The following SMPD3 variants were observed in gnomAD, a reference collection of about 807,000 sequenced individuals.
SMPD3 encodes the protein nSMase-2.
A neutral mutation model predicts 55.7 loss-of-function variants in SMPD3; 21 were observed. The ratio of observed to expected loss-of-function variants is 0.38; its 90% CI spans 0.27 to 0.54. The LOEUF (loss-of-function observed/expected upper bound fraction) is 0.54. SMPD3 is among the 20% of genes least tolerant of loss of function. The pLI is 0.80. For synonymous variants in SMPD3, 457 were observed against 404.3 expected (o/e 1.13, Z -1.56); for missense variants, 842 against 899.6 (o/e 0.94, Z 0.82).
chr16:68,363,020 A>G (rs2089360736), intron 7 of SMPD3, among the ~76,000 whole-genome samples: 1 of 152,198 alleles, frequency 6.6e-6, no homozygotes, highest in South Asian at 2.1e-4. Flanking sequence ...TCAAGAATGA[A>G]TTTTGGCTGG....
rs1316070052 is a variant in SMPD3, at chr16:68,371,475, C to G, written c.707G>C (p.Ser236Thr). ...NGPASGDPVD[S>T]SSPEDACIVR... ...GATGCAGGCATCCTCCGGGCTGCTG[C>G]TGTCGACAGGGTCCCCAGAGGCTGG... The change falls in exon 3 of 9, where the codon AGC (serine) becomes ACC (threonine). Residue 236 changes from serine to threonine, a missense_variant. Physicochemically the swap from Ser to Thr is moderately conservative, Grantham distance 58. Around this residue, in one of 2 missense-constraint regions of SMPD3, gnomAD observed 649 missense variants for 643.6 expected, o/e 1.01. Transcript: ENST00000219334. 6.3e-7 allele frequency: 1 copy of G among 1,598,134 alleles called. No individual in the cohort carries two copies. The highest frequency in any genetic ancestry group is 1.1e-5 in the South Asian group (1 of 90,894).
intron 2 of SMPD3, among the ~76,000 whole-genome samples, chr16:68,385,223 C>G (rs2090031975): frequency 6.6e-6 from 1 of 152,184 alleles, no homozygotes; most frequent in Non-Finnish European, 1.5e-5. Context: ...GAGGTGCAGC[C>G]AAGTCACCTG....
chr16:68,387,995 G>T (rs2090075479), intron 1 of SMPD3, among the ~76,000 whole-genome samples: 1 of 152,192 alleles, frequency 6.6e-6, no homozygotes, highest in Admixed American at 6.5e-5. Context: ...TCTGGTCTAG[G>T]CCATCGGTCT....
In SMPD3 at chr16:68,359,100, A is replaced by AG. The variant is rs1377406546; in HGVS notation, c.*2105dup. ...TGACTCCCACGCCTGCTGCCCCGGG[A>AG]GGGGGTGCCTGGGTGGGGAAGCTAT... On this transcript the variant is annotated 3_prime_UTR_variant, in exon 9 of 9. Transcript: ENST00000219334. 1 of 152,230 alleles carries AG rather than the reference A, an allele frequency of 6.6e-6. No individual in the cohort carries two copies. The highest frequency in any genetic ancestry group is 1.9e-4 in the East Asian group (1 of 5,190). The allele number at this position is 152,230 out of a possible 1,614,324, so 9.4% of individuals were successfully genotyped here.
chr16:68,371,194 C>G lies in SMPD3; in HGVS notation c.988G>C (p.Val330Leu). The stretch of plus-strand genomic sequence containing the variant: ...CTCCTGCGTGCAGCCGCCTTCTTCA[C>G]CACCGAGGCCTTGTACAGGAGCTTG... Reference protein sequence around the residue: ...NSKLLYKASVVKKAAARRRRH... With the variant: ...NSKLLYKASVLKKAAARRRRH... The change falls in exon 3 of 9, where the codon GTG becomes CTG. Residue 330 changes from valine (V) to leucine (L), a missense_variant. Transcript: ENST00000219334. The G allele has an allele frequency of 6.2e-7, 1 of 1,612,046 alleles. No homozygotes were observed. Among genetic ancestry groups the G allele is most frequent in the Non-Finnish European group, 8.5e-7 (1 of 1,179,560 alleles).
At chr16:68,435,109 A>T (rs539597195) in intron 1 of SMPD3, among the ~76,000 whole-genome samples, 11 of 131,142 alleles carry the variant, frequency 8.4e-5, no homozygotes, top group South Asian at 5.5e-4. Flanking sequence ...TTTTGGCTCC[A>T]CTGGCCCTTG....
intron 2 of SMPD3, among the ~76,000 whole-genome samples, chr16:68,385,455 C>T (rs1027159445): frequency 1.1e-4 from 17 of 152,268 alleles, no homozygotes; most frequent in South Asian, 4.2e-4. Flanking sequence ...CTGAAGGTTA[C>T]ATTTGTCACC....
At chr16:68,381,429 C>T (rs1360470494) in intron 2 of SMPD3, among the ~76,000 whole-genome samples, 2 of 152,174 alleles carry the variant, frequency 1.3e-5, no homozygotes, top group East Asian at 1.9e-4. Context: ...CTTCCAAGCC[C>T]GAGACAGGAC....
chr16:68,415,884 G>A (rs2090335195), intron 1 of SMPD3, among the ~76,000 whole-genome samples: 1 of 150,132 alleles, frequency 6.7e-6, no homozygotes, highest in African/African-American at 2.5e-5. Context: ...GCCTCACAAA[G>A]TAAAAGAGAA....
rs1208571654 is a variant in SMPD3, at chr16:68,376,590, T to C, written c.-206-4203A>G. On this transcript the variant is annotated intron_variant, in intron 2 of 8. Coordinates refer to ENST00000219334, the MANE Select transcript of SMPD3 (RefSeq NM_018667.4). Reference sequence around the variant, plus strand: ...TCCATGGATTTGTCCCCTTTGCGAATCCTGGTATGTAGCTTCTGAGGTTGC... The same window carrying C: ...TCCATGGATTTGTCCCCTTTGCGAACCCTGGTATGTAGCTTCTGAGGTTGC... 2.6e-5 allele frequency among the ~76,000 whole-genome samples: 4 copies of C among 152,236 alleles called. No individual in the cohort carries two copies. In the East Asian group the frequency reaches 7.7e-4, roughly 29 times the overall value.
chr16:68,380,266 G>A (rs891525172), intron 2 of SMPD3, among the ~76,000 whole-genome samples: 10 of 152,256 alleles, frequency 6.6e-5, no homozygotes, highest in South Asian at 2.1e-4. Context: ...GCAGAAGCCC[G>A]CAGGGCTCCC....
intron 1 of SMPD3, among the ~76,000 whole-genome samples, chr16:68,428,241 T>C (rs1000964640): frequency 3.3e-5 from 5 of 152,142 alleles, no homozygotes; most frequent in African/African-American, 1.2e-4. Context: ...CAAGAAGATA[T>C]GGCCATGGTA....
At chr16:68,440,156 T>C (rs1250289934) in intron 1 of SMPD3, among the ~76,000 whole-genome samples, 3 of 152,222 alleles carry the variant, frequency 2.0e-5, no homozygotes, top group Non-Finnish European at 4.4e-5. Context: ...AGTAGAGTTG[T>C]AGAAAAGGCA....
At position 68,441,044 on chromosome 16, in the gene SMPD3, A is replaced by G. The variant is rs556479317; in HGVS notation, c.-269+7309T>C. 3.3e-5 allele frequency among the ~76,000 whole-genome samples: 5 copies of G among 152,282 alleles called. No individual in the cohort carries two copies. The South Asian group carries it at 1.0e-3, about 32-fold the overall frequency. On this transcript the variant is annotated intron_variant, in intron 1 of 8. Transcript: ENST00000219334. ...TCAATCATGTTTTAACTAGTAATAA[A>G]TCTTTTGCTTGATTTATCTGAAAAT...
chr16:68,405,545 C>CAAAAAAAAAAAAAAAAAAAAAAAAAA (rs67518521), intron 1 of SMPD3, among the ~76,000 whole-genome samples: 1 of 72,990 alleles, frequency 1.4e-5, no homozygotes, highest in African/African-American at 5.3e-5. Context: ...GACCCTGTCT[C>CAAAAAAAAAAAAAAAAAAAAAAAAAA]AAAAAAAAAA....
At chr16:68,395,433 T>A (rs1228027755) in intron 1 of SMPD3, among the ~76,000 whole-genome samples, 1 of 152,276 alleles carries the variant, frequency 6.6e-6, no homozygotes, top group East Asian at 1.9e-4. Context: ...CTGTTTGTCT[T>A]GCAGAGTGAA....
At chr16:68,370,765 C>T (rs2089639704) in intron 3 of SMPD3, 94 bp downstream of exon 3, 1 of 1,503,612 alleles carries the variant, frequency 6.7e-7, no homozygotes, top group African/African-American at 1.4e-5. Context: ...CTCCAGCCCC[C>T]ATGACGATGA....
intron 1 of SMPD3, among the ~76,000 whole-genome samples, chr16:68,397,807 C>T (rs2090172360): frequency 6.6e-6 from 1 of 152,194 alleles, no homozygotes; most frequent in Non-Finnish European, 1.5e-5. Context: ...CTTCCCCCCT[C>T]CCCTGGTGGC....
intron 1 of SMPD3, among the ~76,000 whole-genome samples, chr16:68,414,433 T>C (rs1369658747): frequency 6.6e-6 from 1 of 152,252 alleles, no homozygotes; most frequent in Non-Finnish European, 1.5e-5. Flanking sequence ...TGGGGTAGGC[T>C]CAGCCTGGTC....
Sources: gnomAD v4.1 joint callset for allele counts (sites outside exome capture counted in the v4.1 genomes callset) on GRCh38, gnomAD v4.1.1 for gene constraint, gnomAD v4.1.1 regional missense constraint, MANE v1.5 for transcripts, NCBI Gene and HGNC (gene_info 2026-07-23, HGNC 2026-07-21) for gene names.